The following SHQ1 variants were observed in gnomAD, a reference collection of about 807,000 sequenced individuals.
SHQ1 encodes the protein protein SHQ1 homolog.
Under a neutral mutation model 53.8 loss-of-function variants are expected in SHQ1, and 49 were observed. The observed-to-expected ratio is 0.91, with a 90% CI of 0.72 to 1.16. SHQ1 has a LOEUF of 1.16. Among genes scored for constraint, SHQ1 ranks in the 50% most tolerant of loss-of-function variants. SHQ1 has a pLI of 0.00. For missense variants in SHQ1, 738 were observed against 683.1 expected, an observed-to-expected ratio of 1.08 and a Z score of -0.90; for synonymous variants, 243 against 251.0, an observed-to-expected ratio of 0.97 and a Z score of 0.30.
At chr3:72,788,158 TCTCTGCCTGGCCGC>T (rs1405258998) in intron 10 of SHQ1, among the ~76,000 whole-genome samples, 1 of 151,802 alleles carries the variant, frequency 6.6e-6, no homozygotes, top group African/African-American at 2.4e-5. Flanking sequence ...GTGAGGAGCG[TCTCTGCCTGGCCGC>T]CCATCGTCTG....
chr3:72,768,318 A>C (rs1489920126), intron 10 of SHQ1, among the ~76,000 whole-genome samples: 2 of 152,192 alleles, frequency 1.3e-5, no homozygotes, highest in Non-Finnish European at 2.9e-5. Context: ...CTTCTTTCCT[A>C]GTGCTCCCGA....
At chr3:72,755,653 A>G (rs1290752944) in intron 10 of SHQ1, among the ~76,000 whole-genome samples, 2 of 152,214 alleles carry the variant, frequency 1.3e-5, no homozygotes, top group Non-Finnish European at 2.9e-5. Flanking sequence ...AAAAAAATTA[A>G]GCCATGAAAG....
intron 10 of SHQ1, among the ~76,000 whole-genome samples, chr3:72,757,793 G>A (rs1394842625): frequency 6.6e-6 from 1 of 152,142 alleles, no homozygotes; most frequent in African/African-American, 2.4e-5. Context: ...TGGACACATA[G>A]AGGGGAACAA....
chr3:72,745,907 A>C (rs1285733682), downstream of SHQ1, among the ~76,000 whole-genome samples: 4 of 151,336 alleles, frequency 2.6e-5, no homozygotes, highest in Non-Finnish European at 5.9e-5. Context: ...CAGTGGCACA[A>C]TCTCGGCTCA....
chr3:72,774,666 T>C (rs1197730846), intron 10 of SHQ1, among the ~76,000 whole-genome samples: 1 of 152,252 alleles, frequency 6.6e-6, no homozygotes, highest in Admixed American at 6.5e-5. Context: ...AAGCATATAT[T>C]TGAAAATTTA....
chr3:72,743,467 T>C, the SHQ1 span, among the ~76,000 whole-genome samples: 1 of 152,150 alleles, frequency 6.6e-6, no homozygotes, highest in Non-Finnish European at 1.5e-5. Context: ...GGCCAGGAGA[T>C]GAGGACCCCA....
chr3:72,766,337 C>T (rs925659280), intron 10 of SHQ1, among the ~76,000 whole-genome samples: 1 of 152,084 alleles, frequency 6.6e-6, no homozygotes, highest in Non-Finnish European at 1.5e-5. Context: ...ATCTCTAAAC[C>T]ATAGTTCTTG....
the SHQ1 span, among the ~76,000 whole-genome samples, chr3:72,737,638 C>T: frequency 5.3e-5 from 8 of 152,142 alleles, no homozygotes; most frequent in African/African-American, 1.9e-4. Context: ...TTCCAGTCAT[C>T]GCTAGATTAC....
At chr3:72,806,918 TC>T (rs1338867590) in intron 9 of SHQ1, among the ~76,000 whole-genome samples, 3 of 152,268 alleles carry the variant, frequency 2.0e-5, no homozygotes, top group Non-Finnish European at 4.4e-5. Context: ...ACATCTTAGC[TC>T]CCTAGGTAGT....
chr3:72,735,710 G>GGAAGGA, the SHQ1 span, among the ~76,000 whole-genome samples: 3 of 102,590 alleles, frequency 2.9e-5, no homozygotes, highest in African/African-American at 1.1e-4. Context: ...GAGAGAGAGA[G>GGAAGGA]AGGAAGGAAG....
At chr3:72,826,857 TA>T (rs1249310338) in intron 5 of SHQ1, among the ~76,000 whole-genome samples, 2 of 152,202 alleles carry the variant, frequency 1.3e-5, no homozygotes, top group African/African-American at 2.4e-5. Context: ...AAGCCATGTT[TA>T]AAAAATCTCA....
At chr3:72,788,526 C>T (rs961673083) in intron 10 of SHQ1, among the ~76,000 whole-genome samples, 2 of 151,912 alleles carry the variant, frequency 1.3e-5, no homozygotes, top group African/African-American at 2.4e-5. Flanking sequence ...CCTGCCGCCC[C>T]GTCGGGGAAG....
intron 5 of SHQ1, among the ~76,000 whole-genome samples, chr3:72,827,092 G>C (rs1242769515): frequency 6.6e-6 from 1 of 152,128 alleles, no homozygotes; most frequent in Non-Finnish European, 1.5e-5. Context: ...CAGGTTGTAG[G>C]GAATGAAGAG....
At chr3:72,783,542 G>A (rs987808942) in intron 10 of SHQ1, among the ~76,000 whole-genome samples, 1 of 151,850 alleles carries the variant, frequency 6.6e-6, no homozygotes, top group East Asian at 1.9e-4. Context: ...TCGAACTCCT[G>A]TCCTCAACTG....
chr3:72,817,564 G>C (rs1707356405), intron 6 of SHQ1, among the ~76,000 whole-genome samples, 180 bp from the exon 7 acceptor site: 1 of 152,164 alleles, frequency 6.6e-6, no homozygotes, highest in Non-Finnish European at 1.5e-5. Context: ...CTATGAGTCT[G>C]CTCAAATTCT....
intron 4 of SHQ1, among the ~76,000 whole-genome samples, chr3:72,835,683 A>G (rs1028637948): frequency 2.0e-5 from 3 of 152,136 alleles, no homozygotes; most frequent in African/African-American, 7.2e-5. Flanking sequence ...CTTCAACCCC[A>G]TGTTCACCGT....
At chr3:72,802,922 T>C (rs531675949) in intron 9 of SHQ1, among the ~76,000 whole-genome samples, 2 of 152,292 alleles carry the variant, frequency 1.3e-5, no homozygotes, top group East Asian at 3.9e-4. Flanking sequence ...CTTTCTGGTA[T>C]TAACTACATT....
chr3:72,802,143 G>A (rs1306693288), intron 9 of SHQ1, among the ~76,000 whole-genome samples: 2 of 152,216 alleles, frequency 1.3e-5, no homozygotes, highest in African/African-American at 2.4e-5. Context: ...GAAAAGGGAA[G>A]GAGGACAACG....
intron 10 of SHQ1, among the ~76,000 whole-genome samples, chr3:72,765,548 TATATATATA>T (rs1324918025): frequency 2.0e-5 from 2 of 99,568 alleles, no homozygotes; most frequent in Admixed American, 1.1e-4. Context: ...TATATATATA[TATATATATA>T]TTTTTTTTTT....
Sources: allele counts gnomAD v4.1 joint callset (sites outside exome capture counted in the v4.1 genomes callset), GRCh38; gene constraint gnomAD v4.1.1; transcripts MANE v1.5; gene names NCBI Gene and HGNC (gene_info 2026-07-23, HGNC 2026-07-21).